Variants in NLGN4Y observed in about 807,000 individuals in gnomAD.
NLGN4Y encodes neuroligin 4 Y-linked, also known as neuroligin-4, Y-linked.
In NLGN4Y, 4 loss-of-function variants were observed where a neutral mutation model predicts 8.4. That is an observed-to-expected ratio of 0.48 (90% CI 0.23 to 1.09). NLGN4Y has a LOEUF of 1.09. NLGN4Y is among the 50% of genes least tolerant of loss of function. The probability of loss-of-function intolerance (pLI) is 0.19; values close to 1 mark genes in which losing one functional copy is unlikely to be tolerated. For missense variants in NLGN4Y, 90 were observed against 192.3 expected, an observed-to-expected ratio of 0.47 and a Z score of 3.15; for synonymous variants, 35 against 75.6, an observed-to-expected ratio of 0.46 and a Z score of 2.78.
At chrY:14,611,802 T>C (rs2080470565) in intron 1 of NLGN4Y, among the ~76,000 whole-genome samples, 1 of 31,795 alleles carries the variant, frequency 3.1e-5, no homozygotes, top group Non-Finnish European at 7.6e-5. Flanking sequence ...CTTTGTGGTG[T>C]TTTCTTTATT....
At chrY:14,693,642 G>A in intron 2 of NLGN4Y, among the ~76,000 whole-genome samples, 1 of 31,916 alleles carries the variant, frequency 3.1e-5, no homozygotes, top group Admixed American at 2.9e-4. Flanking sequence ...TGCCCAGTCT[G>A]TTCTTGAACT....
chrY:14,524,374 C>A, upstream of NLGN4Y: 1 of 91,257 alleles, frequency 1.1e-5, no homozygotes, highest in South Asian at 5.2e-5. Context: ...CCGCTCCTTC[C>A]TCCCGCACCA....
In NLGN4Y at chrY:14,841,239, G is replaced by C; in HGVS notation, c.2488G>C (p.Gly830Arg). 3 of 398,220 alleles carry C rather than the reference G, an allele frequency of 7.5e-6. No homozygotes were observed. The highest frequency in any genetic ancestry group is 1.1e-5 in the Non-Finnish European group (3 of 283,310). Residue 830 changes from glycine (G) to arginine (R), a missense_variant, in exon 7 of 7, where the codon GGA becomes CGA. Transcript: ENST00000684976. ...GGQNSTNLPHGHSTTRV is the reference protein window; with the variant it reads ...GGQNSTNLPHRHSTTRV Reference sequence around the variant, plus strand: ...ACAAAACAGTACAAATTTACCCCACGGACATTCCACCACTAGAGTATAGCT... The same window carrying C: ...ACAAAACAGTACAAATTTACCCCACCGACATTCCACCACTAGAGTATAGCT...
intron 2 of NLGN4Y, among the ~76,000 whole-genome samples, chrY:14,674,952 A>G: frequency 2.9e-5 from 1 of 33,932 alleles, no homozygotes; most frequent in Non-Finnish European, 7.4e-5. Context: ...TGAGTATTGA[A>G]GGCAAAGATG....
chrY:14,695,044 C>T, intron 2 of NLGN4Y, among the ~76,000 whole-genome samples: 1 of 33,577 alleles, frequency 3.0e-5, no homozygotes, highest in Non-Finnish European at 7.4e-5. Context: ...GCACATGCAG[C>T]TGATATAGCT....
chrY:14,703,433 C>T (rs2080862733), intron 2 of NLGN4Y, among the ~76,000 whole-genome samples: 2 of 33,476 alleles, frequency 6.0e-5, no homozygotes, highest in Non-Finnish European at 1.5e-4. Flanking sequence ...TTCCCCATTG[C>T]TGGTTTTTCT....
intron 4 of NLGN4Y, among the ~76,000 whole-genome samples, chrY:14,796,784 A>G: frequency 3.1e-5 from 1 of 32,545 alleles, no homozygotes; most frequent in African/African-American, 1.2e-4. Context: ...AATTTTGGTC[A>G]AAGAGCATAA....
At chrY:14,757,942 G>C in intron 4 of NLGN4Y, among the ~76,000 whole-genome samples, 1 of 33,912 alleles carries the variant, frequency 2.9e-5, no homozygotes, top group Non-Finnish European at 7.4e-5. Context: ...TCTTCCCAAG[G>C]GTATACGATA....
intron 2 of NLGN4Y, among the ~76,000 whole-genome samples, chrY:14,637,326 T>C: frequency 3.0e-5 from 1 of 33,794 alleles, no homozygotes; most frequent in Admixed American, 2.7e-4. Context: ...TTCTAACATA[T>C]AGTTCTGAAA....
chrY:14,596,553 C>T, intron 1 of NLGN4Y, among the ~76,000 whole-genome samples: 5 of 33,209 alleles, frequency 1.5e-4, no homozygotes, highest in Non-Finnish European at 1.5e-4. Flanking sequence ...GTTGGGACCC[C>T]GGAGATGCAT....
rs72611612 is a variant in NLGN4Y, at chrY:14,759,107, G to C, written c.685+35838G>C. On this transcript the variant is annotated intron_variant, in intron 4 of 6. Coordinates refer to ENST00000684976, the MANE Select transcript of NLGN4Y (RefSeq NM_001365588.1). ...TATCTCAAGAGCAGTTCTGAGTTCAGAGAATCATGACTTTCTTTTACAGGC... is the reference window on the plus strand; with the variant it reads ...TATCTCAAGAGCAGTTCTGAGTTCACAGAATCATGACTTTCTTTTACAGGC... 0.03 allele frequency among the ~76,000 whole-genome samples: 1,002 copies of C among 33,234 alleles called. No homozygotes were observed. In the East Asian group the frequency reaches 0.78, roughly 26 times the overall value. The allele number at this position is 33,234 out of a possible 37,273, so 89.2% of individuals were successfully genotyped here.
chrY:14,589,862 G>T, intron 1 of NLGN4Y, among the ~76,000 whole-genome samples: 1 of 34,385 alleles, frequency 2.9e-5, no homozygotes, highest in East Asian at 7.9e-4. Context: ...GGCTCGGGCC[G>T]CACAGGAGCC....
chrY:14,833,354 TTAAAG>T (rs2043186694), intron 6 of NLGN4Y, among the ~76,000 whole-genome samples: 1 of 33,721 alleles, frequency 3.0e-5, no homozygotes, highest in Non-Finnish European at 7.3e-5. Context: ...GATTAAGAAA[TTAAAG>T]TAAAGACAAC....
chrY:14,567,923 G>A, intron 1 of NLGN4Y, among the ~76,000 whole-genome samples: 1 of 32,420 alleles, frequency 3.1e-5, no homozygotes, highest in Non-Finnish European at 7.5e-5. Flanking sequence ...TTAGACCTTA[G>A]TGTAATCCCC....
intron 1 of NLGN4Y, among the ~76,000 whole-genome samples, chrY:14,607,061 G>A (rs1603501152): frequency 3.1e-5 from 1 of 31,914 alleles, no homozygotes; most frequent in Non-Finnish European, 7.6e-5. Flanking sequence ...TTTTTTGCCC[G>A]CAAGGATGTA....
At chrY:14,698,365 A>C in intron 2 of NLGN4Y, among the ~76,000 whole-genome samples, 1 of 33,363 alleles carries the variant, frequency 3.0e-5, no homozygotes, top group Admixed American at 2.7e-4. Context: ...GTTTATTTCA[A>C]TTGAACGTGT....
At chrY:14,693,094 A>G in intron 2 of NLGN4Y, among the ~76,000 whole-genome samples, 1 of 32,974 alleles carries the variant, frequency 3.0e-5, no homozygotes, top group African/African-American at 1.2e-4. Flanking sequence ...TCCTGGCCTC[A>G]AGTGATCCTC....
intron 4 of NLGN4Y, chrY:14,801,127 A>G (rs984547491): frequency 3.0e-5 from 1 of 33,203 alleles, no homozygotes; most frequent in Admixed American, 2.8e-4. Flanking sequence ...AAAATTCCAG[A>G]TAATATATGC....
At chrY:14,663,124 T>A in intron 2 of NLGN4Y, among the ~76,000 whole-genome samples, 1 of 33,715 alleles carries the variant, frequency 3.0e-5, no homozygotes, top group Non-Finnish European at 7.4e-5. Flanking sequence ...GAACATGGTA[T>A]AACGGTCTTT....
Sources: gnomAD v4.1 joint callset for allele counts (sites outside exome capture counted in the v4.1 genomes callset) on GRCh38, gnomAD v4.1.1 for gene constraint, MANE v1.5 for transcripts, NCBI Gene and HGNC (gene_info 2026-07-23, HGNC 2026-07-21) for gene names.